GABBR1: variants seen among roughly 807,000 people sequenced by gnomAD.
GABBR1 encodes the protein gamma-aminobutyric acid type B receptor subunit 1.
In GABBR1, 35 loss-of-function variants were observed where a neutral mutation model predicts 117.7. The ratio of observed to expected loss-of-function variants is 0.30; its 90% CI spans 0.23 to 0.39. The LOEUF (loss-of-function observed/expected upper bound fraction) is 0.39, where lower values mean the gene tolerates loss of function less well. GABBR1 is among the 10% of genes least tolerant of loss of function. The probability of loss-of-function intolerance (pLI) is 1.00; values close to 1 mark genes in which losing one functional copy is unlikely to be tolerated. For missense variants in GABBR1, 709 were observed against 1,241.8 expected, an observed-to-expected ratio of 0.57 and a Z score of 6.45; for synonymous variants, 442 against 486.6, an observed-to-expected ratio of 0.91 and a Z score of 1.21.
chr6:29,603,355 T>A lies in GABBR1; in HGVS notation c.*188A>T. ...CATGAAGCAGTAAGAGAGAAAAAGG[T>A]CTGTTTCCCAGAGGTATGAGAGACC... On this transcript the variant is annotated 3_prime_UTR_variant, in exon 23 of 23. Coordinates refer to ENST00000377034, the MANE Select transcript of GABBR1 (RefSeq NM_001470.4). 2.8e-6 allele frequency: 2 copies of A among 709,814 alleles called. No individual in the cohort carries two copies. The highest frequency in any genetic ancestry group is 5.2e-6 in the Non-Finnish European group (2 of 386,608). The allele number at this position is 709,814 out of a possible 1,614,324, so 44.0% of individuals were successfully genotyped here. A position where few individuals can be genotyped will look rare whatever the true frequency, so the allele number is the denominator to read the frequency against.
chr6:29,612,441 G>C, intron 13 of GABBR1, 110 bp downstream of exon 13: 1 of 749,226 alleles, frequency 1.3e-6, no homozygotes, highest in East Asian at 2.6e-5. Context: ...GCAGAAGTTG[G>C]GAGGTGCCAG....
In GABBR1 at chr6:29,627,863, G is replaced by T; in HGVS notation, c.497-217C>A. 1 of 1,381,942 alleles carries T rather than the reference G, an allele frequency of 7.2e-7. No individual in the cohort carries two copies. The highest frequency in any genetic ancestry group is 1.5e-5 in the African/African-American group (1 of 66,262). 85.6% of individuals were successfully genotyped at this position (1,381,942 alleles called of 1,614,324 possible). ...GGGGACACTTTTCCTGGGGAGGGCT[G>T]CTAAGAGGGTGCCGGGGAGGCGCCT... On this transcript the variant is annotated intron_variant, in intron 5 of 22. Transcript: ENST00000377034. This position sits in a 1 kb window ranked among gnomAD's most constrained non-coding sequence, Gnocchi z 4.4.
Position 29,630,773 on chromosome 6 carries a change from G to T in GABBR1, c.290-130C>A, listed in dbSNP as rs1423267917. On this transcript the variant is annotated intron_variant, in intron 3 of 22. Transcript: ENST00000377034. The surrounding 1 kb of genome is among the most constrained non-coding windows in gnomAD (Gnocchi z 4.9). Reference sequence around the variant, plus strand: ...TCTAAAGAAAATCACATGTGAAAAGGATTTGCCTACCTATCTTCCAATCCT... The same window carrying T: ...TCTAAAGAAAATCACATGTGAAAAGTATTTGCCTACCTATCTTCCAATCCT... 1 of 694,728 alleles carries T rather than the reference G, an allele frequency of 1.4e-6. No individual in the cohort carries two copies. The highest frequency in any genetic ancestry group is 2.4e-6 in the Non-Finnish European group (1 of 422,918). The allele number at this position is 694,728 out of a possible 1,614,324, so 43.0% of individuals were successfully genotyped here. A position where few individuals can be genotyped will look rare whatever the true frequency, so the allele number is the denominator to read the frequency against.
Position 29,627,449 on chromosome 6 carries a change from G to GCCCCCCC in GABBR1, c.657+36_657+37insGGGGGGG. 21 of 1,204,788 alleles carry GCCCCCCC rather than the reference G, an allele frequency of 1.7e-5. No individual in the cohort carries two copies. The highest frequency in any genetic ancestry group is 1.1e-4 in the South Asian group (8 of 73,894). 74.6% of individuals were successfully genotyped at this position (1,204,788 alleles called of 1,614,324 possible). On this transcript the variant is annotated intron_variant, in intron 6 of 22. Coordinates refer to ENST00000377034, the MANE Select transcript of GABBR1 (RefSeq NM_001470.4). This position sits in a 1 kb window ranked among gnomAD's most constrained non-coding sequence, Gnocchi z 4.4. Reference sequence around the variant, plus strand: ...AGCTGGCTGGCCCCCTGCCCCGCAAGCCCCCACCTCCCACCCACCCCCATG... The same window carrying GCCCCCCC: ...AGCTGGCTGGCCCCCTGCCCCGCAAGCCCCCCCCCCCCACCTCCCACCCACCCCCATG...
At chr6:29,624,045 AG>A in intron 6 of GABBR1, 21 bp from the exon 7 acceptor site, 2 of 1,596,036 alleles carry the variant, frequency 1.3e-6, no homozygotes, top group Non-Finnish European at 1.7e-6. Flanking sequence ...AGAGGAGATG[AG>A]GGCAAGCTCT....
In GABBR1 at chr6:29,621,932, C is replaced by T; in HGVS notation, c.1066-115G>A. 8.8e-7 allele frequency: 1 copy of T among 1,132,542 alleles called. No homozygotes were observed. Among genetic ancestry groups the T allele is most frequent in the Non-Finnish European group, 1.3e-6 (1 of 759,586 alleles). 70.2% of individuals were successfully genotyped at this position (1,132,542 alleles called of 1,614,324 possible). A position where few individuals can be genotyped will look rare whatever the true frequency, so the allele number is the denominator to read the frequency against. ...CCAAAGTGCTTAGTGCAGGGTAACGCTCAACGTATAGTGAATAAACGTCAA... is the reference window on the plus strand; with the variant it reads ...CCAAAGTGCTTAGTGCAGGGTAACGTTCAACGTATAGTGAATAAACGTCAA... On this transcript the variant is annotated intron_variant, in intron 9 of 22. Transcript: ENST00000377034. The surrounding 1 kb of genome is among the most constrained non-coding windows in gnomAD (Gnocchi z 5.0).
chr6:29,614,840 T>C (rs1762903932), intron 11 of GABBR1, among the ~76,000 whole-genome samples: 1 of 152,118 alleles, frequency 6.6e-6, no homozygotes, highest in Non-Finnish European at 1.5e-5. Context: ...GTGATTATGA[T>C]GTATCAATGT....
rs548985665 is a variant in GABBR1 at position 29,608,532 on chromosome 6, C to G, written c.1992+69G>C. 279 of 1,515,212 alleles carry G rather than the reference C, an allele frequency of 1.8e-4. 2 individuals are homozygous for G. In the African/African-American group the frequency reaches 2.3e-3, roughly 13 times the overall value. 93.9% of individuals were successfully genotyped at this position (1,515,212 alleles called of 1,614,324 possible). A position where few individuals can be genotyped will look rare whatever the true frequency, so the allele number is the denominator to read the frequency against. On this transcript the variant is annotated intron_variant, in intron 16 of 22. Transcript: ENST00000377034. ...GGAGGAAGGGCAGAGAATCATAAATCATGGAAGGTGCTCCTGAGACGGGTG... is the reference window on the plus strand; with the variant it reads ...GGAGGAAGGGCAGAGAATCATAAATGATGGAAGGTGCTCCTGAGACGGGTG...
chr6:29,623,389 G>A lies in GABBR1; in HGVS notation c.879C>T (p.His293=). ...FFRTHPSATL[H]NPTRVKLFEK... is the part of the protein sequence containing the mutation. ...CAAAGAGTTTCACGCGGGTAGGGTT[G>A]TGGAGTGTGGCTGATGGGTGCGTTC... The change falls in exon 8 of 23, where the codon CAC becomes CAT. Residue 293 remains histidine (H), a synonymous_variant. Transcript: ENST00000377034. This position sits in a 1 kb window ranked among gnomAD's most constrained non-coding sequence, Gnocchi z 6.2. 6.2e-7 allele frequency: 1 copy of A among 1,614,160 alleles called. No individual in the cohort carries two copies.
In GABBR1 at chr6:29,606,744, G is replaced by A. The variant is rs891273381; in HGVS notation, c.2217+153C>T. On this transcript the variant is annotated intron_variant, in intron 18 of 22. Transcript: ENST00000377034. This position sits in a 1 kb window ranked among gnomAD's most constrained non-coding sequence, Gnocchi z 4.5. Reference sequence around the variant, plus strand: ...AGCTGAATCTGGAGGCCTATGAGGGGCTCCTTCTAGGAAGGAAAGGAAGAG... The same window carrying A: ...AGCTGAATCTGGAGGCCTATGAGGGACTCCTTCTAGGAAGGAAAGGAAGAG... Among the ~76,000 whole-genome samples the A allele has an allele frequency of 6.6e-6, 1 of 152,184 alleles. No homozygotes were observed. Among genetic ancestry groups the A allele is most frequent in the Non-Finnish European group, 1.5e-5 (1 of 68,022 alleles).
At position 29,604,676 on chromosome 6, in the gene GABBR1, G is replaced by T; in HGVS notation, c.2569-39C>A. On this transcript the variant is annotated intron_variant, in intron 21 of 22. Transcript: ENST00000377034. The surrounding 1 kb of genome is among the most constrained non-coding windows in gnomAD (Gnocchi z 5.3). ...TTTGGGCGTGGGGTGGCCCAGCAAG[G>T]ACTGTACTAGTGACTGGCTGATGGA... 6.2e-7 allele frequency: 1 copy of T among 1,613,020 alleles called. No individual in the cohort carries two copies. Among genetic ancestry groups the T allele is most frequent in the Non-Finnish European group, 8.5e-7 (1 of 1,179,906 alleles).
In GABBR1 at chr6:29,628,048, G is replaced by A. The variant is rs139815437; in HGVS notation, c.497-402C>T. 3.7e-3 allele frequency: 4,333 copies of A among 1,158,662 alleles called. 22 individuals are homozygous for A. Among genetic ancestry groups the A allele is most frequent in the Middle Eastern group, 0.023 (68 of 2,906 alleles). The allele number at this position is 1,158,662 out of a possible 1,614,324, so 71.8% of individuals were successfully genotyped here. On this transcript the variant is annotated intron_variant, in intron 5 of 22. Coordinates refer to ENST00000377034, the MANE Select transcript of GABBR1 (RefSeq NM_001470.4). ...AGGGGAGGAGGAGGAGCAGGAGGGA[G>A]ATGTGGGGCTGGGAGGGGGCTCTGA...
chr6:29,605,161 G>T lies in GABBR1; in HGVS notation c.2440-173C>A. The T allele has an allele frequency of 1.4e-6, 1 of 724,420 alleles. No homozygotes were observed. The highest frequency in any genetic ancestry group is 2.1e-5 in the South Asian group (1 of 47,430). The allele number at this position is 724,420 out of a possible 1,614,324, so 44.9% of individuals were successfully genotyped here. ...TATAGATTGAGAAAAATCTCAAACT[G>T]TCCCAAACCAGTTTTCACTCTTGGT... On this transcript the variant is annotated intron_variant, in intron 20 of 22. Coordinates refer to ENST00000377034, the MANE Select transcript of GABBR1 (RefSeq NM_001470.4). This position sits in a 1 kb window ranked among gnomAD's most constrained non-coding sequence, Gnocchi z 4.2.
chr6:29,621,624 G>T lies in GABBR1; in HGVS notation c.1131+128C>A. 1 of 795,112 alleles carries T rather than the reference G, an allele frequency of 1.3e-6. No individual in the cohort carries two copies. Among genetic ancestry groups the T allele is most frequent in the Non-Finnish European group, 2.1e-6 (1 of 465,306 alleles). 49.3% of individuals were successfully genotyped at this position (795,112 alleles called of 1,614,324 possible). A position where few individuals can be genotyped will look rare whatever the true frequency, so the allele number is the denominator to read the frequency against. On this transcript the variant is annotated intron_variant, in intron 10 of 22. Coordinates refer to ENST00000377034, the MANE Select transcript of GABBR1 (RefSeq NM_001470.4). This position sits in a 1 kb window ranked among gnomAD's most constrained non-coding sequence, Gnocchi z 5.0. ...GATGCAGTCAGAGCCAACAGACAGA[G>T]ACATCCTATGAATCGTCACCTCAGA... is the stretch of plus-strand genomic sequence containing the variant.
Position 29,623,977 on chromosome 6 carries a change from G to A in GABBR1, c.705C>T (p.Asn235=), listed in dbSNP as rs547687684. 11 of 1,613,018 alleles carry A rather than the reference G, an allele frequency of 6.8e-6. No individual in the cohort carries two copies. Among genetic ancestry groups the A allele is most frequent in the African/African-American group, 4.0e-5 (3 of 75,054 alleles). The change falls in exon 7 of 23, where the codon AAC becomes AAT. Residue 235 remains asparagine, a synonymous_variant. Transcript: ENST00000377034. This position sits in a 1 kb window ranked among gnomAD's most constrained non-coding sequence, Gnocchi z 6.2. ...GCATAAGGATGATCTTGATAGGGTCGTTGTAGAGCAGCTCATATAGGTACT... is the reference window on the plus strand; with the variant it reads ...GCATAAGGATGATCTTGATAGGGTCATTGTAGAGCAGCTCATATAGGTACT... The part of the protein sequence containing the change: ...ATKYLYELLY[N]DPIKIILMPG...
rs1762317007 is a variant in GABBR1, at chr6:29,609,531, C to G, written c.1709-152G>C. The G allele has an allele frequency of 1.5e-6, 1 of 663,296 alleles. No homozygotes were observed. The highest frequency in any genetic ancestry group is 1.9e-5 in the South Asian group (1 of 52,618). The allele number at this position is 663,296 out of a possible 1,614,324, so 41.1% of individuals were successfully genotyped here. ...GACATGAGGCCCTAACTGCACTGGA[C>G]AGAGGTTACTGCAGGCAGAATGCTC... On this transcript the variant is annotated intron_variant, in intron 14 of 22. Coordinates refer to ENST00000377034, the MANE Select transcript of GABBR1 (RefSeq NM_001470.4). The surrounding 1 kb of genome is among the most constrained non-coding windows in gnomAD (Gnocchi z 4.3).
rs759841055 is a variant in GABBR1 at position 29,611,029 on chromosome 6, C to T, written c.1631-28G>A. 3.8e-6 allele frequency: 6 copies of T among 1,572,214 alleles called. No homozygotes were observed. Among genetic ancestry groups the T allele is most frequent in the Non-Finnish European group, 5.2e-6 (6 of 1,143,110 alleles). On this transcript the variant is annotated intron_variant, in intron 13 of 22. Coordinates refer to ENST00000377034, the MANE Select transcript of GABBR1 (RefSeq NM_001470.4). This position sits in a 1 kb window ranked among gnomAD's most constrained non-coding sequence, Gnocchi z 4.6. ...GGGCAGACGACAATAAAAGGAGTGA[C>T]CACAGGTAGCCAAAGAGCTGATCCT...
In GABBR1 at chr6:29,606,398, T is replaced by C. The variant is rs756062496; in HGVS notation, c.2304A>G (p.Thr768=). The C allele has an allele frequency of 4.3e-6, 7 of 1,610,730 alleles. No homozygotes were observed. Among genetic ancestry groups the C allele is most frequent in the East Asian group, 4.5e-5 (2 of 44,862 alleles). ...TGCCCACATCCCACACACCAAGCCA[T>C]GTATTCATCTTCCTGGAGCTGCAAT... The part of the protein sequence containing the change: ...LEHCSSRKMN[T]WLGIFYGYKG... The change falls in exon 19 of 23, where the codon ACA becomes ACG. Residue 768 remains threonine, a synonymous_variant. Transcript: ENST00000377034. This position sits in a 1 kb window ranked among gnomAD's most constrained non-coding sequence, Gnocchi z 4.5.
rs754333978 is a variant in GABBR1, at chr6:29,621,212, G to A, written c.1212C>T (p.Tyr404=). ...GWYADNWFKI[Y]DPSINCTVDE... ...CCACTGTGCAGTTGATAGAAGGGTC[G>A]TAGATCTTGAACCAATTGTCAGCAT... The change falls in exon 11 of 23, where the codon TAC becomes TAT. Residue 404 remains tyrosine, a synonymous_variant. Coordinates refer to ENST00000377034, the MANE Select transcript of GABBR1 (RefSeq NM_001470.4). This position sits in a 1 kb window ranked among gnomAD's most constrained non-coding sequence, Gnocchi z 5.0. The A allele has an allele frequency of 6.8e-6, 11 of 1,612,824 alleles. No homozygotes were observed. Among genetic ancestry groups the A allele is most frequent in the South Asian group, 4.4e-5 (4 of 91,072 alleles).
Sources: allele counts gnomAD v4.1 joint callset (sites outside exome capture counted in the v4.1 genomes callset), GRCh38; gene constraint gnomAD v4.1.1; non-coding constraint Gnocchi (gnomAD v3.1); transcripts MANE v1.5; gene names NCBI Gene and HGNC (gene_info 2026-07-23, HGNC 2026-07-21).